Variants in LGALS9 observed in about 807,000 individuals in gnomAD.
The protein encoded by LGALS9 is galectin 9.
LGALS9 carries 26 observed loss-of-function variants against 35.9 expected under a neutral mutation model. The ratio of observed to expected loss-of-function variants is 0.72; its 90% CI spans 0.53 to 1.01. The LOEUF (loss-of-function observed/expected upper bound fraction) is 1.01, where lower values mean the gene tolerates loss of function less well. Among genes scored for constraint, LGALS9 ranks in the 50% least tolerant of loss-of-function variants. LGALS9 has a pLI of 0.00. For synonymous variants in LGALS9, 149 were observed against 172.2 expected, an observed-to-expected ratio of 0.87 and a Z score of 1.06; for missense variants, 347 against 445.8, an observed-to-expected ratio of 0.78 and a Z score of 1.99.
At chr17:27,633,425 A>G (rs2074411419) in intron 1 of LGALS9, among the ~76,000 whole-genome samples, 2 of 152,232 alleles carry the variant, frequency 1.3e-5, no homozygotes, top group South Asian at 4.1e-4. Context: ...AGGACCATGG[A>G]GCCTCTGAGG....
intron 10 of LGALS9, among the ~76,000 whole-genome samples, chr17:27,648,122 A>T (rs1014097184): frequency 1.3e-5 from 2 of 152,238 alleles, no homozygotes; most frequent in African/African-American, 4.8e-5. Context: ...TTCGTATTTT[A>T]AAAATATGCC....
chr17:27,636,799 C>CAA (rs2074457032), intron 1 of LGALS9, among the ~76,000 whole-genome samples: 1 of 151,936 alleles, frequency 6.6e-6, no homozygotes, highest in Non-Finnish European at 1.5e-5. Context: ...TCCTTTTTGA[C>CAA]AAATTTTCCC....
chr17:27,639,323 G>T (rs950303698), intron 2 of LGALS9, among the ~76,000 whole-genome samples: 1 of 151,756 alleles, frequency 6.6e-6, no homozygotes, highest in East Asian at 1.9e-4. Context: ...CTGATCTTCC[G>T]CCCCTTCCTC....
At chr17:27,642,773 G>T (rs1453666077) in intron 4 of LGALS9, among the ~76,000 whole-genome samples, 9 of 152,188 alleles carry the variant, frequency 5.9e-5, no homozygotes, top group Non-Finnish European at 1.2e-4. Flanking sequence ...AATGGTCATT[G>T]CCTGCCCCCC....
At chr17:27,631,416 G>A (rs1377169035) in intron 1 of LGALS9, 112 bp downstream of exon 1, 2 of 1,396,474 alleles carry the variant, frequency 1.4e-6, no homozygotes, top group Non-Finnish European at 2.0e-6. Flanking sequence ...GCATCCCAAA[G>A]AGAACACAAG....
At chr17:27,643,951 T>G (rs1904727987) in intron 5 of LGALS9, 2 of 296,746 alleles carry the variant, frequency 6.7e-6, no homozygotes, top group Non-Finnish European at 1.3e-5. Flanking sequence ...ACAGTGACCT[T>G]CTTATAAGCA....
chr17:27,636,843 A>T (rs2074457455), intron 1 of LGALS9, among the ~76,000 whole-genome samples: 1 of 152,080 alleles, frequency 6.6e-6, no homozygotes, highest in South Asian at 2.1e-4. Context: ...GAAAAAAAAA[A>T]TCCGGACTTC....
At chr17:27,634,508 C>T (rs1046297712) in intron 1 of LGALS9, among the ~76,000 whole-genome samples, 4 of 152,028 alleles carry the variant, frequency 2.6e-5, no homozygotes, top group Admixed American at 6.6e-5. Context: ...GCTGAGATCG[C>T]GTCAACACAC....
chr17:27,632,051 G>A (rs1355416824), intron 1 of LGALS9, among the ~76,000 whole-genome samples: 1 of 152,026 alleles, frequency 6.6e-6, no homozygotes, highest in Non-Finnish European at 1.5e-5. Context: ...TGAGGTTTAT[G>A]AGTCCCCTTC....
Position 27,631,270 on chromosome 17 carries a change from C to T in LGALS9, c.5C>T (p.Ala2Val), listed in dbSNP as rs141915934. 4 of 1,614,140 alleles carry T rather than the reference C, an allele frequency of 2.5e-6. No individual in the cohort carries two copies. Among genetic ancestry groups the T allele is most frequent in the Non-Finnish European group, 2.5e-6 (3 of 1,180,006 alleles). Residue 2 changes from alanine to valine, a missense_variant, in exon 1 of 11, where the codon GCC becomes GTC. By Grantham distance (64) the Ala-to-Val change is moderately conservative. Transcript: ENST00000395473. ...GGCCACAGAGGCGGCGGAGAGATGG[C>T]CTTCAGCGGTTCCCAGGCTCCCTAC... The part of the protein sequence containing the change: M[A>V]FSGSQAPYLS...
At position 27,648,883 on chromosome 17, in the gene LGALS9, T is replaced by C. The variant is rs775492272; in HGVS notation, c.969T>C (p.Gly323=). 1.9e-6 allele frequency: 3 copies of C among 1,613,720 alleles called. No individual in the cohort carries two copies. In the South Asian group the frequency reaches 3.3e-5, roughly 18 times the overall value. ...EAHCLKVAVD[G]QHLFEYYHRL... is the part of the protein sequence containing the mutation. Reference sequence around the variant, plus strand: ...ACTGCCTCAAGGTGGCCGTGGATGGTCAGCACCTGTTTGAATACTACCATC... The same window carrying C: ...ACTGCCTCAAGGTGGCCGTGGATGGCCAGCACCTGTTTGAATACTACCATC... The change falls in exon 11 of 11, where the codon GGT becomes GGC. Residue 323 remains glycine (G), a synonymous_variant. Transcript: ENST00000395473.
chr17:27,645,083 C>T (rs1264590368), intron 5 of LGALS9: 17 of 723,968 alleles, frequency 2.3e-5, no homozygotes, highest in South Asian at 1.9e-4. Context: ...TCCTCTCTCT[C>T]GAGAGGAACC....
At chr17:27,636,215 G>A (rs1270838233) in intron 1 of LGALS9, among the ~76,000 whole-genome samples, 5 of 152,168 alleles carry the variant, frequency 3.3e-5, no homozygotes, top group Admixed American at 3.3e-4. Flanking sequence ...GGCTGAATTT[G>A]GCTGGTGGGT....
chr17:27,635,963 A>C (rs1443773615), intron 1 of LGALS9, among the ~76,000 whole-genome samples: 2 of 152,250 alleles, frequency 1.3e-5, no homozygotes, highest in Non-Finnish European at 2.9e-5. Flanking sequence ...AGTCAGAGAC[A>C]CAGAGAAGCT....
In LGALS9 at chr17:27,643,587, T is replaced by C. The variant is rs1474267889; in HGVS notation, c.507T>C (p.Cys169=). ...FSTVPFSQPV[C]FPPRPRGRRQ... is the part of the protein sequence containing the mutation. ...CGGTGCCGTTCTCCCAGCCTGTCTG[T>C]TTCCCACCCAGGCCCAGGGGGCGCA... is the stretch of plus-strand genomic sequence containing the variant. The change falls in exon 5 of 11, where the codon TGT becomes TGC. Residue 169 remains cysteine, a synonymous_variant. Coordinates refer to ENST00000395473, the MANE Select transcript of LGALS9 (RefSeq NM_009587.3). The C allele has an allele frequency of 3.7e-6, 6 of 1,611,724 alleles. No homozygotes were observed. The highest frequency in any genetic ancestry group is 4.2e-6 in the Non-Finnish European group (5 of 1,179,748).
At chr17:27,643,448 C>G in intron 4 of LGALS9, 77 bp from the exon 5 acceptor site, 1 of 1,596,676 alleles carries the variant, frequency 6.3e-7, no homozygotes, top group Non-Finnish European at 8.5e-7. Context: ...TCCCTCTTGC[C>G]CCTGCCTCTG....
intron 2 of LGALS9, chr17:27,638,631 C>G: frequency 1.0e-5 from 4 of 387,452 alleles, no homozygotes; most frequent in South Asian, 9.3e-5. Context: ...TGATTATGTT[C>G]TGGGTTGAAC....
At position 27,648,849 on chromosome 17, in the gene LGALS9, G is replaced by A. The variant is rs1384153380; in HGVS notation, c.935G>A (p.Cys312Tyr). ...RGQSFSVWIL[C>Y]EAHCLKVAVD... ...ATCTCTGCACAGGTGTGGATCTTGT[G>A]TGAAGCTCACTGCCTCAAGGTGGCC... The change falls in exon 11 of 11, where the codon TGT (cysteine) becomes TAT (tyrosine). Residue 312 changes from cysteine (C) to tyrosine (Y), a missense_variant. Transcript: ENST00000395473. The A allele has an allele frequency of 3.1e-6, 5 of 1,611,580 alleles. No individual in the cohort carries two copies. In the African/African-American group the frequency reaches 6.7e-5, roughly 22 times the overall value.
Position 27,643,548 on chromosome 17 carries a change from G to A in LGALS9, c.468G>A (p.Gln156=). 6.2e-7 allele frequency: 1 copy of A among 1,611,896 alleles called. No homozygotes were observed. The highest frequency in any genetic ancestry group is 8.5e-7 in the Non-Finnish European group (1 of 1,179,768). The change falls in exon 5 of 11, where the codon CAG becomes CAA. Residue 156 remains glutamine, a synonymous_variant. Coordinates refer to ENST00000395473, the MANE Select transcript of LGALS9 (RefSeq NM_009587.3). ...SFQNPRTVPV[Q]PAFSTVPFSQ... is the part of the protein sequence containing the mutation. ...AGAACCCCCGCACAGTCCCTGTTCA[G>A]CCTGCCTTCTCCACGGTGCCGTTCT...
Sources: allele counts gnomAD v4.1 joint callset (sites outside exome capture counted in the v4.1 genomes callset), GRCh38; gene constraint gnomAD v4.1.1; transcripts MANE v1.5; gene names NCBI Gene and HGNC (gene_info 2026-07-23, HGNC 2026-07-21).